The following PPP2R2B variants were observed in gnomAD, a reference collection of about 807,000 sequenced individuals.
PPP2R2B encodes serine/threonine-protein phosphatase 2A 55 kDa regulatory subunit B beta isoform.
In PPP2R2B, 5 loss-of-function variants were observed where a neutral mutation model predicts 46.0. That is an observed-to-expected ratio of 0.11 (90% CI 0.06 to 0.23). PPP2R2B has a LOEUF of 0.23. PPP2R2B is among the 10% of genes least tolerant of loss of function. The pLI is 1.00. For synonymous variants in PPP2R2B, 215 were observed against 206.7 expected (o/e 1.04, Z -0.34); for missense variants, 367 against 575.0 (o/e 0.64, Z 3.70).
At chr5:146,777,103 C>T (rs1039472211) in intron 2 of PPP2R2B, among the ~76,000 whole-genome samples, 3 of 151,980 alleles carry the variant, frequency 2.0e-5, no homozygotes, top group Non-Finnish European at 4.4e-5. Context: ...TAGGATATGG[C>T]CCAGCAATTC....
At chr5:146,891,362 A>C (rs1762486192) in intron 1 of PPP2R2B, among the ~76,000 whole-genome samples, 1 of 152,188 alleles carries the variant, frequency 6.6e-6, no homozygotes, top group East Asian at 1.9e-4. Flanking sequence ...CACACCCAAT[A>C]AATGTTTGCT....
intron 1 of PPP2R2B, among the ~76,000 whole-genome samples, chr5:146,919,149 A>C (rs1561518317): frequency 1.3e-5 from 2 of 152,250 alleles, no homozygotes; most frequent in Non-Finnish European, 2.9e-5. Flanking sequence ...CAAGCTTTGA[A>C]TCAAAGACTG....
At chr5:146,683,796 A>G (rs1420345026) in intron 5 of PPP2R2B, among the ~76,000 whole-genome samples, 2 of 152,174 alleles carry the variant, frequency 1.3e-5, no homozygotes, top group Non-Finnish European at 2.9e-5. Flanking sequence ...CTGAAACCCC[A>G]TGACACTGAC....
At position 146,805,099 on chromosome 5, in the gene PPP2R2B, G is replaced by C. The variant is rs1757096553; in HGVS notation, c.70+72903C>G. ...AGATTAACTTTATTGCAAGGAGAAG[G>C]ATTTAATTGCAGAGAGTGATTAGCC... On this transcript the variant is annotated intron_variant, in intron 2 of 9. Coordinates refer to ENST00000394411, the MANE Select transcript of PPP2R2B (RefSeq NM_181675.4). Among the ~76,000 whole-genome samples, 3 of 152,132 alleles carry C rather than the reference G, an allele frequency of 2.0e-5. No individual in the cohort carries two copies. The South Asian group carries it at 6.2e-4, about 32-fold the overall frequency.
intron 1 of PPP2R2B, among the ~76,000 whole-genome samples, chr5:146,912,308 A>G (rs536584157): frequency 9.3e-5 from 14 of 151,098 alleles, no homozygotes; most frequent in African/African-American, 3.2e-4. Flanking sequence ...TGACCTTATC[A>G]TCTGAGGAAT....
At chr5:146,664,968 G>A (rs1776890491) in intron 5 of PPP2R2B, among the ~76,000 whole-genome samples, 1 of 150,754 alleles carries the variant, frequency 6.6e-6, no homozygotes. Context: ...GGTCTCAACA[G>A]TGGGTTTAAA....
chr5:146,707,991 A>G (rs1779973301), intron 2 of PPP2R2B, among the ~76,000 whole-genome samples: 1 of 152,208 alleles, frequency 6.6e-6, no homozygotes. Flanking sequence ...AAACAATTTT[A>G]ATTTGTTTTC....
At chr5:146,822,176 C>T (rs766937405) in intron 2 of PPP2R2B, among the ~76,000 whole-genome samples, 1 of 152,148 alleles carries the variant, frequency 6.6e-6, no homozygotes, top group Non-Finnish European at 1.5e-5. Context: ...TGGTAAGATG[C>T]CAGAAGAAGG....
intron 2 of PPP2R2B, among the ~76,000 whole-genome samples, chr5:146,826,946 T>C (rs1303697553): frequency 4.6e-5 from 7 of 152,214 alleles, no homozygotes; most frequent in Non-Finnish European, 4.4e-5. Flanking sequence ...CTATACCTTA[T>C]GTTTTCAACC....
At chr5:146,622,668 CT>C (rs1773784461) in intron 7 of PPP2R2B, among the ~76,000 whole-genome samples, 1 of 152,160 alleles carries the variant, frequency 6.6e-6, no homozygotes, top group South Asian at 2.1e-4. Flanking sequence ...GCTCTGCTCC[CT>C]CTCCCCCTTC....
At chr5:146,884,004 G>A (rs1277166645) in intron 1 of PPP2R2B, among the ~76,000 whole-genome samples, 1 of 150,682 alleles carries the variant, frequency 6.6e-6, no homozygotes, top group African/African-American at 2.4e-5. Context: ...GTTCTGCTTT[G>A]AGTGACATCA....
At chr5:146,755,486 T>A (rs1372202737) in intron 2 of PPP2R2B, among the ~76,000 whole-genome samples, 2 of 152,192 alleles carry the variant, frequency 1.3e-5, no homozygotes, top group East Asian at 3.8e-4. Flanking sequence ...AAGTCATATA[T>A]AATAAATGAT....
intron 2 of PPP2R2B, among the ~76,000 whole-genome samples, chr5:146,758,066 T>C (rs1430240505): frequency 8.5e-5 from 13 of 152,200 alleles, no homozygotes; most frequent in Non-Finnish European, 1.6e-4. Context: ...TATTCCTCAG[T>C]TGATTTTGCT....
chr5:146,706,800 G>A (rs187931279), intron 2 of PPP2R2B: 912 of 852,904 alleles, frequency 1.1e-3, no homozygotes, highest in Non-Finnish European at 1.6e-3. Context: ...GCCCGACTGC[G>A]GTTGGCGATC....
intron 2 of PPP2R2B, among the ~76,000 whole-genome samples, chr5:146,789,624 T>A (rs1347356001): frequency 1.3e-5 from 2 of 152,028 alleles, no homozygotes; most frequent in Non-Finnish European, 1.5e-5. Flanking sequence ...ACGGGCATGG[T>A]CCCTGCCCTC....
At chr5:146,783,114 TAAACA>T (rs1266155678) in intron 2 of PPP2R2B, among the ~76,000 whole-genome samples, 1 of 152,180 alleles carries the variant, frequency 6.6e-6, no homozygotes, top group African/African-American at 2.4e-5. Flanking sequence ...AAGGATAGGT[TAAACA>T]AATTAAGATT....
At chr5:146,721,736 C>T (rs1296397922) in intron 2 of PPP2R2B, among the ~76,000 whole-genome samples, 1 of 152,208 alleles carries the variant, frequency 6.6e-6, no homozygotes, top group Non-Finnish European at 1.5e-5. Flanking sequence ...AAGCACTTTG[C>T]TCTCATTCAC....
At chr5:146,964,861 T>G (rs1054131039) in intron 1 of PPP2R2B, among the ~76,000 whole-genome samples, 4 of 152,064 alleles carry the variant, frequency 2.6e-5, no homozygotes, top group Non-Finnish European at 5.9e-5. Context: ...TGACAAAGGG[T>G]CCTCTTTTGG....
intron 1 of PPP2R2B, among the ~76,000 whole-genome samples, chr5:147,010,924 T>A: frequency 6.6e-6 from 1 of 152,128 alleles, no homozygotes; most frequent in East Asian, 1.9e-4. Flanking sequence ...TGCTCAAACA[T>A]TCTTCACACA....
Sources: gnomAD v4.1 joint callset for allele counts (sites outside exome capture counted in the v4.1 genomes callset) on GRCh38, gnomAD v4.1.1 for gene constraint, MANE v1.5 for transcripts, NCBI Gene and HGNC (gene_info 2026-07-23, HGNC 2026-07-21) for gene names.